FCRL2: variants seen among roughly 807,000 people sequenced by gnomAD.
The protein encoded by FCRL2 is Fc receptor like 2.
Under a neutral mutation model 59.8 loss-of-function variants are expected in FCRL2, and 48 were observed. The observed-to-expected ratio is 0.80, with a 90% confidence interval of 0.64 to 1.02. The LOEUF is 1.02. Among genes scored for constraint, FCRL2 ranks in the 50% least tolerant of loss-of-function variants. FCRL2 has a pLI of 0.00. For synonymous variants in FCRL2, 251 were observed against 229.5 expected (o/e 1.09, Z -0.85); for missense variants, 658 against 597.3 (o/e 1.10, Z -1.06).
At chr1:157,749,372 C>T (rs1181158246) in intron 8 of FCRL2, among the ~76,000 whole-genome samples, 1 of 152,008 alleles carries the variant, frequency 6.6e-6, no homozygotes, top group East Asian at 1.9e-4. Context: ...CTTACTTATA[C>T]ATTATAGGTA....
intron 6 of FCRL2, 116 bp downstream of exon 6, chr1:157,767,115 G>A (rs1571283361): frequency 7.2e-7 from 1 of 1,385,448 alleles, no homozygotes; most frequent in African/African-American, 1.4e-5. Flanking sequence ...GTGGGGAGAA[G>A]AGAAGCCACT....
chr1:157,746,915 T>C lies in FCRL2; in HGVS notation c.1460-16A>G, dbSNP rs754048007. On this transcript the variant is annotated splice_polypyrimidine_tract_variant and intron_variant, in intron 10 of 11. Coordinates refer to ENST00000361516, the MANE Select transcript of FCRL2 (RefSeq NM_030764.4). ...CTGATGTTTGCTGTTAAGGAAAAAG[T>C]AATAGTTCTGAGCTCTTGCATTCTT... The C allele has an allele frequency of 3.7e-6, 6 of 1,612,146 alleles. No individual in the cohort carries two copies. The Admixed American group carries it at 5.0e-5, about 13-fold the overall frequency.
rs16839017 is a variant in FCRL2, at chr1:157,746,802, T to C, written c.1489-28A>G. The C allele has an allele frequency of 5.9e-3, 9,582 of 1,613,768 alleles. 463 individuals carry two copies. The African/African-American group carries it at 0.11, about 19-fold the overall frequency. On this transcript the variant is annotated intron_variant, in intron 11 of 11. Coordinates refer to ENST00000361516, the MANE Select transcript of FCRL2 (RefSeq NM_030764.4). The stretch of plus-strand genomic sequence containing the variant: ...GGGAGAGACACACAGGAATAAAGAC[T>C]GAGGTGATCAAGAAAATAAATAGGG...
At chr1:157,773,235 T>C (rs1650162673) in intron 2 of FCRL2, among the ~76,000 whole-genome samples, 2 of 152,134 alleles carry the variant, frequency 1.3e-5, no homozygotes, top group Non-Finnish European at 2.9e-5. Flanking sequence ...AACTGAGAAA[T>C]GGAACAACAA....
chr1:157,764,239 A>G (rs1452182049), intron 7 of FCRL2, among the ~76,000 whole-genome samples: 1 of 152,062 alleles, frequency 6.6e-6, no homozygotes, highest in East Asian at 1.9e-4. Flanking sequence ...TGGTGAAAAA[A>G]AAACACAAAA....
chr1:157,771,528 A>T (rs7543979), intron 2 of FCRL2, among the ~76,000 whole-genome samples: 1 of 152,074 alleles, frequency 6.6e-6, no homozygotes, highest in African/African-American at 2.4e-5. Context: ...TTTCTCATCC[A>T]TTCAGTGAAG....
At chr1:157,765,426 T>C (rs578239906) in intron 7 of FCRL2, among the ~76,000 whole-genome samples, 22 of 152,272 alleles carry the variant, frequency 1.4e-4, no homozygotes, top group Non-Finnish European at 2.8e-4. Flanking sequence ...AAGGCAATTC[T>C]CTCTAACCCA....
chr1:157,775,069 G>A (rs550663713), intron 2 of FCRL2, among the ~76,000 whole-genome samples: 1 of 152,150 alleles, frequency 6.6e-6, no homozygotes, highest in Non-Finnish European at 1.5e-5. Flanking sequence ...AGTAATACAT[G>A]CATTTTTAAA....
chr1:157,766,914 C>G lies in FCRL2; in HGVS notation c.1220G>C (p.Gly407Ala), dbSNP rs759250625. 1.2e-6 allele frequency: 2 copies of G among 1,614,192 alleles called. No homozygotes were observed. Among genetic ancestry groups the G allele is most frequent in the Admixed American group, 1.7e-5 (1 of 60,032 alleles). ...MTAGVLWGLF[G>A]VLGFTGVALL... ...AGCAACACCAGTGAAACCAAGGACA[C>G]CAAACAGTCCCCAGAGAACTCCAGC... Residue 407 changes from glycine to alanine, a missense_variant, in exon 7 of 12, where the codon GGT becomes GCT. By Grantham distance (60) the Gly-to-Ala change is moderately conservative (BLOSUM62 0). Transcript: ENST00000361516.
chr1:157,775,736 TG>T, intron 2 of FCRL2, 38 bp downstream of exon 2: 1 of 1,612,886 alleles, frequency 6.2e-7, no homozygotes, highest in Non-Finnish European at 8.5e-7. Flanking sequence ...GTGACTGATA[TG>T]CCAGAGACCA....
At chr1:157,760,926 A>G (rs935025727) in intron 7 of FCRL2, among the ~76,000 whole-genome samples, 1 of 152,208 alleles carries the variant, frequency 6.6e-6, no homozygotes, top group Non-Finnish European at 1.5e-5. Context: ...ACAAACCTGC[A>G]CATGTACCTC....
chr1:157,747,396 A>G (rs1647832425), intron 10 of FCRL2, among the ~76,000 whole-genome samples: 1 of 152,214 alleles, frequency 6.6e-6, no homozygotes, highest in African/African-American at 2.4e-5. Flanking sequence ...GCATAGTGGG[A>G]TGACATCCCT....
intron 5 of FCRL2, 100 bp downstream of exon 5, chr1:157,768,314 G>A: frequency 7.8e-7 from 1 of 1,274,328 alleles, no homozygotes; most frequent in Non-Finnish European, 1.1e-6. Flanking sequence ...GTTCTCCACA[G>A]CACTAATCCC....
At chr1:157,767,640 T>C (rs1269961146) in intron 5 of FCRL2, 131 bp from the exon 6 acceptor site, 1 of 1,610,038 alleles carries the variant, frequency 6.2e-7, no homozygotes, top group African/African-American at 1.3e-5. Flanking sequence ...ACATTCCCAC[T>C]AGAACAGTTA....
Position 157,746,568 on chromosome 1 carries a change from G to T in FCRL2, c.*168C>A. ...CAATGAATATTGATAGGTAAAAGAA[G>T]ATATTGGAGAAGAAACATCATCAGG... On this transcript the variant is annotated 3_prime_UTR_variant, in exon 12 of 12. Transcript: ENST00000361516. The T allele has an allele frequency of 1.6e-6, 1 of 624,812 alleles. No individual in the cohort carries two copies. The highest frequency in any genetic ancestry group is 2.9e-6 in the Non-Finnish European group (1 of 349,904). The allele number at this position is 624,812 out of a possible 1,614,324, so 38.7% of individuals were successfully genotyped here. A position where few individuals can be genotyped will look rare whatever the true frequency, so the allele number is the denominator to read the frequency against.
chr1:157,775,741 GAGACCA>G (rs776213323), intron 2 of FCRL2, 28 bp downstream of exon 2: 8 of 1,613,476 alleles, frequency 5.0e-6, no homozygotes, highest in Non-Finnish European at 6.8e-6. Flanking sequence ...TGATATGCCA[GAGACCA>G]AGAACAACAA....
chr1:157,752,579 T>C (rs1026468516), intron 7 of FCRL2, among the ~76,000 whole-genome samples: 1 of 152,170 alleles, frequency 6.6e-6, no homozygotes, highest in East Asian at 1.9e-4. Context: ...GAAAATATAA[T>C]CCTCTAAGAC....
intron 7 of FCRL2, among the ~76,000 whole-genome samples, chr1:157,751,365 T>C (rs1557853766): frequency 6.6e-6 from 1 of 152,134 alleles, no homozygotes; most frequent in African/African-American, 2.4e-5. Flanking sequence ...AGAGAAAGAA[T>C]TTACAATTGC....
At chr1:157,772,342 G>A (rs961631524) in intron 2 of FCRL2, among the ~76,000 whole-genome samples, 1 of 152,132 alleles carries the variant, frequency 6.6e-6, no homozygotes, top group Non-Finnish European at 1.5e-5. Context: ...TGGTCGTTAG[G>A]AATTATTCAT....
Sources: allele counts gnomAD v4.1 joint callset (sites outside exome capture counted in the v4.1 genomes callset), GRCh38; gene constraint gnomAD v4.1.1; transcripts MANE v1.5; gene names NCBI Gene and HGNC (gene_info 2026-07-23, HGNC 2026-07-21).